Variants in OCIAD1 observed in about 807,000 individuals in gnomAD.
OCIAD1 encodes OCIA domain-containing protein 1.
In OCIAD1, 29 loss-of-function variants were observed where a neutral mutation model predicts 38.9. The observed-to-expected ratio is 0.74, with a 90% CI of 0.55 to 1.02. The LOEUF is 1.02. Among genes scored for constraint, OCIAD1 ranks in the 50% least tolerant of loss-of-function variants. The probability of loss-of-function intolerance (pLI) is 0.00; values close to 1 mark genes in which losing one functional copy is unlikely to be tolerated. For synonymous variants in OCIAD1, 110 were observed against 92.0 expected, an observed-to-expected ratio of 1.20 and a Z score of -1.12; for missense variants, 288 against 289.6, an observed-to-expected ratio of 0.99 and a Z score of 0.04.
chr4:48,841,418 G>A (rs146121944), intron 3 of OCIAD1, among the ~76,000 whole-genome samples: 4 of 152,286 alleles, frequency 2.6e-5, no homozygotes, highest in Admixed American at 2.6e-4. Context: ...GGTCCCAAGA[G>A]TTCTCTTCCC....
At chr4:48,828,538 A>T (rs973111265), upstream of OCIAD1, among the ~76,000 whole-genome samples, 2 of 152,142 alleles carry the variant, frequency 1.3e-5, no homozygotes, top group African/African-American at 4.8e-5. Flanking sequence ...CACCACCTTT[A>T]TGAGCTGTAA....
intron 1 of OCIAD1, among the ~76,000 whole-genome samples, chr4:48,809,222 T>G (rs773881455): frequency 6.6e-6 from 1 of 152,158 alleles, no homozygotes; most frequent in African/African-American, 2.4e-5. Flanking sequence ...CCTATTGCCT[T>G]CAAGATAAAA....
At chr4:48,833,661 AT>A in intron 3 of OCIAD1, among the ~76,000 whole-genome samples, 180 bp downstream of exon 3, 1 of 152,224 alleles carries the variant, frequency 6.6e-6, no homozygotes, top group East Asian at 1.9e-4. Context: ...TTTTAAAGTA[AT>A]TATTTCCAGA....
intron 1 of OCIAD1, among the ~76,000 whole-genome samples, chr4:48,817,152 T>C (rs539702953): frequency 6.6e-6 from 1 of 152,232 alleles, no homozygotes; most frequent in South Asian, 2.1e-4. Flanking sequence ...GCAGAAGCAG[T>C]GTGGGGCGTT....
At chr4:48,849,884 T>C (rs1377179767) in intron 5 of OCIAD1, 63 bp from the exon 6 acceptor site, 66 of 1,463,674 alleles carry the variant, frequency 4.5e-5, no homozygotes, top group Non-Finnish European at 5.5e-5. Flanking sequence ...ATTTTTCTTT[T>C]AGAAAATACT....
chr4:48,842,525 A>T (rs1778629528), intron 3 of OCIAD1, 111 bp from the exon 4 acceptor site: 1 of 697,626 alleles, frequency 1.4e-6, no homozygotes, highest in East Asian at 2.7e-5. Flanking sequence ...TAAAGGTCTT[A>T]GTTATGCAAT....
chr4:48,829,730 A>C (rs1777332767), upstream of OCIAD1, among the ~76,000 whole-genome samples: 1 of 152,198 alleles, frequency 6.6e-6, no homozygotes, highest in African/African-American at 2.4e-5. Flanking sequence ...TGGGCCCAGA[A>C]GTAAATTAGC....
chr4:48,832,895 A>T, intron 2 of OCIAD1: 1 of 548,572 alleles, frequency 1.8e-6, no homozygotes, highest in East Asian at 3.1e-5. Context: ...CCAGCACATT[A>T]GGTAGCCAGT....
upstream of OCIAD1, chr4:48,830,604 T>C (rs1777391038): frequency 6.6e-6 from 1 of 152,160 alleles, no homozygotes; most frequent in South Asian, 2.1e-4. Flanking sequence ...CTCAGAGAGA[T>C]CACGGTACCC....
At chr4:48,828,758 G>A (rs1298107469), upstream of OCIAD1, among the ~76,000 whole-genome samples, 4 of 152,156 alleles carry the variant, frequency 2.6e-5, no homozygotes, top group Non-Finnish European at 5.9e-5. Context: ...GAGCATGTCC[G>A]AACATCAGAA....
chr4:48,835,249 A>G (rs1421690076), intron 3 of OCIAD1, among the ~76,000 whole-genome samples: 1 of 152,072 alleles, frequency 6.6e-6, no homozygotes, highest in Non-Finnish European at 1.5e-5. Flanking sequence ...GTAGTTTTAT[A>G]TGTGGTGAGA....
intron 4 of OCIAD1, among the ~76,000 whole-genome samples, chr4:48,846,638 C>G (rs778106783): frequency 1.3e-5 from 2 of 151,776 alleles, no homozygotes; most frequent in Non-Finnish European, 2.9e-5. Flanking sequence ...GTCCCAGCTA[C>G]TTGGGAGGCT....
At chr4:48,847,859 G>A (rs1224161752) in intron 4 of OCIAD1, among the ~76,000 whole-genome samples, 1 of 152,150 alleles carries the variant, frequency 6.6e-6, no homozygotes, top group African/African-American at 2.4e-5. Flanking sequence ...TGTTCCACAT[G>A]ACTCTTAGAA....
chr4:48,844,517 G>A (rs1483150898), intron 4 of OCIAD1, among the ~76,000 whole-genome samples: 1 of 152,138 alleles, frequency 6.6e-6, no homozygotes, highest in Admixed American at 6.5e-5. Context: ...TCAGGAGACT[G>A]AGGCAGGAGA....
intron 4 of OCIAD1, among the ~76,000 whole-genome samples, chr4:48,845,704 C>G (rs1778921206): frequency 6.6e-6 from 1 of 152,178 alleles, no homozygotes; most frequent in Non-Finnish European, 1.5e-5. Flanking sequence ...CCATTTTCCA[C>G]AAAACCAATT....
In OCIAD1 at chr4:48,860,786, G is replaced by A; in HGVS notation, c.*24G>A. On this transcript the variant is annotated 3_prime_UTR_variant, in exon 9 of 9. Coordinates refer to ENST00000264312, the MANE Select transcript of OCIAD1 (RefSeq NM_017830.4). ...GAAAAATTACATCATTGGACATGAA[G>A]GAGTTTCAACATCCAGCTTCATCTA... The A allele has an allele frequency of 6.3e-7, 1 of 1,581,684 alleles. No homozygotes were observed. The highest frequency in any genetic ancestry group is 8.7e-7 in the Non-Finnish European group (1 of 1,152,384).
intron 1 of OCIAD1, among the ~76,000 whole-genome samples, chr4:48,814,987 G>A (rs1418994382): frequency 6.6e-6 from 1 of 152,154 alleles, no homozygotes; most frequent in Non-Finnish European, 1.5e-5. Context: ...GATACATTCT[G>A]GGAGTCCAGG....
At chr4:48,812,316 A>AAAAAAAAAAAAAAAAAAAAAAAAAT (rs558912921) in intron 1 of OCIAD1, among the ~76,000 whole-genome samples, 1 of 119,050 alleles carries the variant, frequency 8.4e-6, no homozygotes, top group Non-Finnish European at 1.9e-5. Flanking sequence ...AAAAAAAAAA[A>AAAAAAAAAAAAAAAAAAAAAAAAAT]GAAAAGAAAA....
chr4:48,857,934 A>C (rs1780224508), intron 8 of OCIAD1, among the ~76,000 whole-genome samples: 1 of 152,140 alleles, frequency 6.6e-6, no homozygotes, highest in Non-Finnish European at 1.5e-5. Context: ...TGGGTGTATC[A>C]CTTGAGGCCA....
Sources: allele counts gnomAD v4.1 joint callset (sites outside exome capture counted in the v4.1 genomes callset), GRCh38; gene constraint gnomAD v4.1.1; transcripts MANE v1.5; gene names NCBI Gene and HGNC (gene_info 2026-07-23, HGNC 2026-07-21).